The following TXNDC17 variants were observed in gnomAD, a reference collection of about 807,000 sequenced individuals.
TXNDC17 encodes thioredoxin domain containing 17, also known as thioredoxin domain-containing protein 17.
TXNDC17 carries 12 observed loss-of-function variants against 16.3 expected under a neutral mutation model. The observed-to-expected ratio is 0.74, with a 90% CI of 0.47 to 1.19. The LOEUF is 1.19. Ranked by LOEUF, TXNDC17 falls within the 50% of genes most tolerant of loss-of-function variation. The probability of loss-of-function intolerance (pLI) is 0.00; values close to 1 mark genes in which losing one functional copy is unlikely to be tolerated. For synonymous variants in TXNDC17, 62 were observed against 55.0 expected (o/e 1.13, Z -0.56); for missense variants, 158 against 149.7 (o/e 1.06, Z -0.29).
intron 3 of TXNDC17, 55 bp downstream of exon 3, chr17:6,642,379 TTGC>T (rs1476166669): frequency 8.2e-7 from 1 of 1,218,440 alleles, no homozygotes; most frequent in Non-Finnish European, 1.2e-6. Flanking sequence ...CTCTTTTAAC[TTGC>T]TGTGGATCCA....
intron 2 of TXNDC17, 50 bp downstream of exon 2, chr17:6,641,884 T>G: frequency 6.4e-7 from 1 of 1,563,008 alleles, no homozygotes; most frequent in South Asian, 1.1e-5. Context: ...AATTGCATAC[T>G]TAGGCGGGAA....
At position 6,641,905 on chromosome 17, in the gene TXNDC17, GACTT is replaced by G. The variant is rs200666622; in HGVS notation, c.227+78_227+81del. 646 of 1,346,702 alleles carry G rather than the reference GACTT, an allele frequency of 4.8e-4. 3 individuals carry two copies. The East Asian group carries it at 0.01, about 21-fold the overall frequency. The allele number at this position is 1,346,702 out of a possible 1,614,324, so 83.4% of individuals were successfully genotyped here. On this transcript the variant is annotated intron_variant, in intron 2 of 3. Coordinates refer to ENST00000250101, the MANE Select transcript of TXNDC17 (RefSeq NM_032731.4). Reference sequence around the variant, plus strand: ...ATACTTAGGCGGGAAGGGCCTCAGGGACTTACTTACCCAGTTTGTCTTACAAGGT... The same window carrying G: ...ATACTTAGGCGGGAAGGGCCTCAGGGACTTACCCAGTTTGTCTTACAAGGT...
chr17:6,641,749 A>G lies in TXNDC17; in HGVS notation c.146-4A>G. 1 of 1,614,038 alleles carries G rather than the reference A, an allele frequency of 6.2e-7. No homozygotes were observed. The highest frequency in any genetic ancestry group is 8.5e-7 in the Non-Finnish European group (1 of 1,179,948). Reference sequence around the variant, plus strand: ...CGATTATTTTATCTCAACTTTTTTTAAAGCTGAACCAGTCGTACGAGAGGG... The same window carrying G: ...CGATTATTTTATCTCAACTTTTTTTGAAGCTGAACCAGTCGTACGAGAGGG... On this transcript the variant is annotated splice_polypyrimidine_tract_variant and splice_region_variant and intron_variant, in intron 1 of 3. Coordinates refer to ENST00000250101, the MANE Select transcript of TXNDC17 (RefSeq NM_032731.4).
In TXNDC17 at chr17:6,643,111, G is replaced by C; in HGVS notation, c.*92G>C. The C allele has an allele frequency of 8.3e-7, 1 of 1,207,894 alleles. No individual in the cohort carries two copies. The highest frequency in any genetic ancestry group is 2.4e-5 in the East Asian group (1 of 41,980). 74.8% of individuals were successfully genotyped at this position (1,207,894 alleles called of 1,614,324 possible). On this transcript the variant is annotated 3_prime_UTR_variant, in exon 4 of 4. Transcript: ENST00000250101. ...CTTTGAATTCATGTTAGCAATAAAT[G>C]ATGTTAAAAAAACTGGCATGTGTCT...
intron 1 of TXNDC17, 163 bp from the exon 2 acceptor site, chr17:6,641,590 C>G (rs561884689): frequency 1.4e-6 from 1 of 736,822 alleles, no homozygotes. Context: ...TAACGTGGCT[C>G]TAAGACCAGA....
intron 3 of TXNDC17, 193 bp downstream of exon 3, chr17:6,642,517 ATGTT>A (rs1972701900): frequency 2.0e-6 from 1 of 509,248 alleles, no homozygotes; most frequent in Admixed American, 3.8e-5. Flanking sequence ...GGTCTTTTTC[ATGTT>A]AAGTCACTCT....
chr17:6,644,116 G>T lies in TXNDC17; in HGVS notation c.*1097G>T. 2.4e-6 allele frequency: 1 copy of T among 419,282 alleles called. No homozygotes were observed. The highest frequency in any genetic ancestry group is 4.2e-6 in the Non-Finnish European group (1 of 237,776). 26.0% of individuals were successfully genotyped at this position (419,282 alleles called of 1,614,324 possible). On this transcript the variant is annotated 3_prime_UTR_variant, in exon 4 of 4. Transcript: ENST00000250101. ...AGGAGATGGTCTTGCCCTACTATAT[G>T]TCAGGAACAGCTAGCCTTAGAATTC...
In TXNDC17 at chr17:6,642,079, G is replaced by T. The variant is rs1366908330; in HGVS notation, c.228-170G>T. ...TACTTTTATATCTTAGTCACACTTT[G>T]AAACTTTGCACAGGGTAATTAGTAG... On this transcript the variant is annotated intron_variant, in intron 2 of 3. Coordinates refer to ENST00000250101, the MANE Select transcript of TXNDC17 (RefSeq NM_032731.4). 3.0e-5 allele frequency: 20 copies of T among 664,270 alleles called. No homozygotes were observed. In the East Asian group the frequency reaches 4.9e-4, roughly 16 times the overall value. The allele number at this position is 664,270 out of a possible 1,614,324, so 41.1% of individuals were successfully genotyped here.
rs377529838 is a variant in TXNDC17 at position 6,642,975 on chromosome 17, T to A, written c.328T>A (p.Cys110Ser). Residue 110 changes from cysteine (C) to serine (S), a missense_variant, in exon 4 of 4, where the codon TGT becomes AGT. Transcript: ENST00000250101. ...GCCTCAAAAACTGGTAGAATCTGAG[T>A]GTCTTCAGGCCAACCTGGTGGAAAT... ...GTPQKLVESE[C>S]LQANLVEMLF... 1.1e-5 allele frequency: 17 copies of A among 1,613,778 alleles called. No homozygotes were observed.
rs1597631034 is a variant in TXNDC17 at position 6,643,703 on chromosome 17, CTTCTATAAACAAGGTTCTTA to C, written c.*685_*704del. 1 of 157,614 alleles carries C rather than the reference CTTCTATAAACAAGGTTCTTA, an allele frequency of 6.3e-6. No homozygotes were observed. Among genetic ancestry groups the C allele is most frequent in the East Asian group, 1.8e-4 (1 of 5,456 alleles). 9.8% of individuals were successfully genotyped at this position (157,614 alleles called of 1,614,324 possible). On this transcript the variant is annotated 3_prime_UTR_variant, in exon 4 of 4. Coordinates refer to ENST00000250101, the MANE Select transcript of TXNDC17 (RefSeq NM_032731.4). ...CACCCCGTCCAAACCTCAGTTTTCT[CTTCTATAAACAAGGTTCTTA>C]GAATAAAATGAGAATTCAAGGAAGC...
intron 2 of TXNDC17, 73 bp from the exon 3 acceptor site, chr17:6,642,176 C>T: frequency 1.9e-6 from 2 of 1,062,408 alleles, no homozygotes; most frequent in Admixed American, 2.1e-5. Context: ...AAATGTAGGA[C>T]TATGTCAAAT....
At chr17:6,641,376 C>G (rs941701206) in intron 1 of TXNDC17, 149 bp downstream of exon 1, 2 of 1,144,804 alleles carry the variant, frequency 1.7e-6, no homozygotes, top group African/African-American at 1.6e-5. Flanking sequence ...TCTATTAAAT[C>G]CTACCCCGCC....
Position 6,643,140 on chromosome 17 carries a change from C to CTA in TXNDC17, c.*121_*122insTA, listed in dbSNP as rs1972717215. 1 of 772,042 alleles carries CTA rather than the reference C, an allele frequency of 1.3e-6. No individual in the cohort carries two copies. The highest frequency in any genetic ancestry group is 2.7e-5 in the East Asian group (1 of 37,324). 47.8% of individuals were successfully genotyped at this position (772,042 alleles called of 1,614,324 possible). On this transcript the variant is annotated 3_prime_UTR_variant, in exon 4 of 4. Transcript: ENST00000250101. ...TTAAAAAAACTGGCATGTGTCTAAA[C>CTA]AATAGAGTGCTATTAAAATGCCCAT...
At chr17:6,641,641 A>G (rs1972671210) in intron 1 of TXNDC17, 112 bp from the exon 2 acceptor site, 3 of 986,044 alleles carry the variant, frequency 3.0e-6, no homozygotes, top group Non-Finnish European at 4.7e-6. Flanking sequence ...AGTTAGCTGC[A>G]GGTTAAAGTC....
rs1028280610 is a variant in TXNDC17 at position 6,644,294 on chromosome 17, G to C, written c.*1275G>C. 2.4e-5 allele frequency: 16 copies of C among 676,066 alleles called. No homozygotes were observed. In the Admixed American group the frequency reaches 4.2e-4, roughly 18 times the overall value. The allele number at this position is 676,066 out of a possible 1,614,324, so 41.9% of individuals were successfully genotyped here. On this transcript the variant is annotated 3_prime_UTR_variant, in exon 4 of 4. Transcript: ENST00000250101. ...ACAGGGAAATCAAAGAACAATTCAG[G>C]TTTAACAGAAATAGTCTATTAACAA...
chr17:6,644,397 T>C lies in TXNDC17; in HGVS notation c.*1378T>C. On this transcript the variant is annotated 3_prime_UTR_variant, in exon 4 of 4. Transcript: ENST00000250101. ...AGGTAGATAGGAAGAGTTTTCATTT[T>C]TTTTGTCTTCACTGTACAAAAGAAA... The C allele has an allele frequency of 4.8e-6, 7 of 1,453,482 alleles. No homozygotes were observed. Among genetic ancestry groups the C allele is most frequent in the Non-Finnish European group, 5.5e-6 (6 of 1,099,416 alleles). The allele number at this position is 1,453,482 out of a possible 1,614,324, so 90.0% of individuals were successfully genotyped here.
chr17:6,641,885 T>G (rs1376246714), intron 2 of TXNDC17, 51 bp downstream of exon 2: 2 of 1,558,370 alleles, frequency 1.3e-6, no homozygotes, highest in East Asian at 2.2e-5. Flanking sequence ...ATTGCATACT[T>G]AGGCGGGAAG....
chr17:6,643,881 T>C lies in TXNDC17; in HGVS notation c.*862T>C, dbSNP rs748091607. On this transcript the variant is annotated 3_prime_UTR_variant, in exon 4 of 4. Transcript: ENST00000250101. ...GTTAGTAACTAACCACTAGTTGTCC[T>C]GCCATGACTAGGTCAAGTGAGGCCA... The C allele has an allele frequency of 2.6e-6, 1 of 379,506 alleles. No individual in the cohort carries two copies. The allele number at this position is 379,506 out of a possible 1,614,324, so 23.5% of individuals were successfully genotyped here.
In TXNDC17 at chr17:6,641,744, T is replaced by C. The variant is rs1449097469; in HGVS notation, c.146-9T>C. 1.2e-6 allele frequency: 2 copies of C among 1,614,102 alleles called. No individual in the cohort carries two copies. The highest frequency in any genetic ancestry group is 1.1e-5 in the South Asian group (1 of 91,086). On this transcript the variant is annotated splice_polypyrimidine_tract_variant and intron_variant, in intron 1 of 3. Coordinates refer to ENST00000250101, the MANE Select transcript of TXNDC17 (RefSeq NM_032731.4). The stretch of plus-strand genomic sequence containing the variant: ...ACGTGCGATTATTTTATCTCAACTT[T>C]TTTTAAAGCTGAACCAGTCGTACGA...
Sources: allele counts gnomAD v4.1 joint callset, GRCh38; gene constraint gnomAD v4.1.1; transcripts MANE v1.5; gene names NCBI Gene and HGNC (gene_info 2026-07-23, HGNC 2026-07-21).